The following KRT72 variants were observed in gnomAD, a reference collection of about 807,000 sequenced individuals.
The protein encoded by KRT72 is keratin, type II cytoskeletal 72.
Under a neutral mutation model 44.7 loss-of-function variants are expected in KRT72, and 44 were observed. That is an observed-to-expected ratio of 0.98 (90% CI 0.77 to 1.27). The LOEUF (loss-of-function observed/expected upper bound fraction) is 1.27, where lower values mean the gene tolerates loss of function less well. Ranked by LOEUF, KRT72 falls within the 50% of genes most tolerant of loss-of-function variation. KRT72 has a pLI of 0.00. For missense variants in KRT72, 736 were observed against 667.1 expected, an observed-to-expected ratio of 1.10 and a Z score of -1.14; for synonymous variants, 302 against 280.4, an observed-to-expected ratio of 1.08 and a Z score of -0.77.
In KRT72 at chr12:52,592,414, G is replaced by A; in HGVS notation, c.780C>T (p.Phe260=). The A allele has an allele frequency of 6.2e-7, 1 of 1,612,886 alleles. No homozygotes were observed. Among genetic ancestry groups the A allele is most frequent in the South Asian group, 1.1e-5 (1 of 91,028 alleles). The change falls in exon 4 of 9, where the codon TTC becomes TTT. Residue 260 remains phenylalanine, a synonymous_variant. Coordinates refer to ENST00000293745, the MANE Select transcript of KRT72 (RefSeq NM_080747.3). ...TCCTTACCCCTTCATAAAGGCACTTGAAGAATTTAATCTCATCTGTCAAGG... is the reference window on the plus strand; with the variant it reads ...TCCTTACCCCTTCATAAAGGCACTTAAAGAATTTAATCTCATCTGTCAAGG... ...VDSLTDEIKF[F]KCLYEGEITQ... is the part of the protein sequence containing the mutation.
At chr12:52,602,354 C>A (rs751417391), upstream of KRT72, among the ~76,000 whole-genome samples, 8 of 152,206 alleles carry the variant, frequency 5.3e-5, no homozygotes, top group Non-Finnish European at 1.2e-4. Context: ...TCTGATTCAG[C>A]ATCAAAATGT....
Position 52,598,747 on chromosome 12 carries a change from T to C in KRT72, c.641+151A>G. 4.6e-6 allele frequency: 3 copies of C among 654,516 alleles called. No individual in the cohort carries two copies. The South Asian group carries it at 5.4e-5, about 12-fold the overall frequency. The allele number at this position is 654,516 out of a possible 1,614,324, so 40.5% of individuals were successfully genotyped here. ...CGACAGTTTGGAGAACCGGTGTAGGTAGATCTATTCTTTTCCTAGTTCCAT... is the reference window on the plus strand; with the variant it reads ...CGACAGTTTGGAGAACCGGTGTAGGCAGATCTATTCTTTTCCTAGTTCCAT... On this transcript the variant is annotated intron_variant, in intron 2 of 8. Coordinates refer to ENST00000293745, the MANE Select transcript of KRT72 (RefSeq NM_080747.3).
rs2292502 is a variant in KRT72, at chr12:52,585,957, G to T, written c.*25C>A. ...AGACGGGTGAGTTGGGAAGCCTTCT[G>T]CTCACAGAGCCAACCACTTGTCCAT... On this transcript the variant is annotated 3_prime_UTR_variant, in exon 9 of 9. Transcript: ENST00000293745. 0.14 allele frequency: 221,098 copies of T among 1,598,678 alleles called. 18,878 individuals carry two copies. The highest frequency in any genetic ancestry group is 0.5 in the East Asian group (22,066 of 44,554).
At position 52,590,956 on chromosome 12, in the gene KRT72, C is replaced by A; in HGVS notation, c.969G>T (p.Gln323His). The change falls in exon 6 of 9, where the codon CAG becomes CAT. Residue 323 changes from glutamine (Q) to histidine (H), a missense_variant. Physicochemically the swap from Gln to His is conservative, Grantham distance 24. Coordinates refer to ENST00000293745, the MANE Select transcript of KRT72 (RefSeq NM_080747.3). Reference protein sequence around the residue: ...EAETLYQTKIQELQVTAGQHG... With the variant: ...EAETLYQTKIHELQVTAGQHG... ...GCTGGCCTGCTGTGACCTGCAGCTC[C>A]TGGATCTGAGGTTGGGTGACAAGAG... is the stretch of plus-strand genomic sequence containing the variant. The A allele has an allele frequency of 1.9e-6, 3 of 1,591,702 alleles. No individual in the cohort carries two copies. The highest frequency in any genetic ancestry group is 2.6e-6 in the Non-Finnish European group (3 of 1,164,646).
intron 1 of KRT72, 37 bp downstream of exon 1, chr12:52,600,990 G>C (rs967665817): frequency 2.5e-6 from 4 of 1,602,486 alleles, no homozygotes; most frequent in Non-Finnish European, 2.6e-6. Context: ...GTGCACATGC[G>C]CCCAACGCAG....
upstream of KRT72, chr12:52,601,466 C>G (rs977016403): frequency 2.0e-6 from 3 of 1,532,860 alleles, no homozygotes; most frequent in Non-Finnish European, 2.6e-6. Context: ...TCGCAAGTAC[C>G]GGTGCTGGCC....
At chr12:52,588,852 C>T (rs1255107506) in intron 6 of KRT72, among the ~76,000 whole-genome samples, 1 of 151,928 alleles carries the variant, frequency 6.6e-6, no homozygotes, top group South Asian at 2.1e-4. Context: ...AAAAATTAGC[C>T]GGGAGTGATG....
At chr12:52,589,371 C>A (rs1032721104) in intron 6 of KRT72, among the ~76,000 whole-genome samples, 2 of 152,174 alleles carry the variant, frequency 1.3e-5, no homozygotes, top group East Asian at 3.9e-4. Context: ...AGCCTTCTAA[C>A]CACAGAAAAC....
At position 52,592,453 on chromosome 12, in the gene KRT72, C is replaced by T; in HGVS notation, c.741G>A (p.Gln247=). The change falls in exon 4 of 9, where the codon CAG becomes CAA. Residue 247 remains glutamine, a synonymous_variant. Transcript: ENST00000293745. ...DAAYMNKVEL[Q]AKVDSLTDEI... ...CATCTGTCAAGGAGTCCACCTTGGC[C>T]TGGAGCTCAACCTTATTCATGTAAG... The T allele has an allele frequency of 1.9e-6, 3 of 1,614,136 alleles. No individual in the cohort carries two copies. Among genetic ancestry groups the T allele is most frequent in the Non-Finnish European group, 2.5e-6 (3 of 1,179,998 alleles).
rs1324752516 is a variant in KRT72 at position 52,585,730 on chromosome 12, G to C, written c.*252C>G. The C allele has an allele frequency of 2.2e-6, 1 of 462,616 alleles. No homozygotes were observed. Among genetic ancestry groups the C allele is most frequent in the Non-Finnish European group, 3.9e-6 (1 of 258,316 alleles). The allele number at this position is 462,616 out of a possible 1,614,324, so 28.7% of individuals were successfully genotyped here. On this transcript the variant is annotated 3_prime_UTR_variant, in exon 9 of 9. Transcript: ENST00000293745. ...TAGCTGGCCTTGGGGAAACATCCTG[G>C]GTAAGTGTTGTCTTTGCATTTCAGG... is the stretch of plus-strand genomic sequence containing the variant.
At chr12:52,594,284 A>T (rs1432761403) in intron 2 of KRT72, among the ~76,000 whole-genome samples, 1 of 152,216 alleles carries the variant, frequency 6.6e-6, no homozygotes, top group Non-Finnish European at 1.5e-5. Flanking sequence ...ATTATAAATC[A>T]TGCTACTATA....
chr12:52,602,936 C>T (rs901047051), upstream of KRT72, among the ~76,000 whole-genome samples: 3 of 152,114 alleles, frequency 2.0e-5, no homozygotes, highest in South Asian at 2.1e-4. Flanking sequence ...GAGATGGCAC[C>T]GATCACAGAT....
At position 52,590,973 on chromosome 12, in the gene KRT72, T is replaced by C; in HGVS notation, c.964-12A>G. 6.3e-7 allele frequency: 1 copy of C among 1,578,584 alleles called. No individual in the cohort carries two copies. The highest frequency in any genetic ancestry group is 8.7e-7 in the Non-Finnish European group (1 of 1,155,952). ...TGCAGCTCCTGGATCTGAGGTTGGG[T>C]GACAAGAGAAGAGGAACACAAGGAT... On this transcript the variant is annotated splice_polypyrimidine_tract_variant and intron_variant, in intron 5 of 8. Coordinates refer to ENST00000293745, the MANE Select transcript of KRT72 (RefSeq NM_080747.3).
At chr12:52,596,558 T>C (rs997877279) in intron 2 of KRT72, among the ~76,000 whole-genome samples, 1 of 132,170 alleles carries the variant, frequency 7.6e-6, no homozygotes, top group Non-Finnish European at 1.5e-5. Flanking sequence ...TTTTTCTTTC[T>C]TTTTTTTTTT....
In KRT72 at chr12:52,599,030, T is replaced by C. The variant is rs774294215; in HGVS notation, c.509A>G (p.Lys170Arg). The C allele has an allele frequency of 6.8e-6, 11 of 1,613,904 alleles. No homozygotes were observed. The Admixed American group carries it at 1.7e-4, about 24-fold the overall frequency. The change falls in exon 2 of 9, where the codon AAG (lysine) becomes AGG (arginine). Residue 170 changes from lysine (K) to arginine (R), a missense_variant. Physicochemically the swap from Lys to Arg is conservative, Grantham distance 26. Coordinates refer to ENST00000293745, the MANE Select transcript of KRT72 (RefSeq NM_080747.3). Reference sequence around the variant, plus strand: ...GCCCTCATAAATGGGCTCCAGGTTCTTCCTGCAGTTGTTCAAGTCCAGCTG... The same window carrying C: ...GCCCTCATAAATGGGCTCCAGGTTCCTCCTGCAGTTGTTCAAGTCCAGCTG... ...LQQLDLNNCRKNLEPIYEGYI... is the reference protein window; with the variant it reads ...LQQLDLNNCRRNLEPIYEGYI...
At chr12:52,601,599 G>A (rs1027230745), upstream of KRT72, 9 of 760,974 alleles carry the variant, frequency 1.2e-5, no homozygotes, top group Admixed American at 2.9e-5. Context: ...GATCCCTTGA[G>A]GCCTCTTGGG....
chr12:52,593,786 A>G (rs980754297), intron 2 of KRT72, among the ~76,000 whole-genome samples: 5 of 152,248 alleles, frequency 3.3e-5, no homozygotes, highest in Non-Finnish European at 7.3e-5. Flanking sequence ...ATTCCAAAAG[A>G]CAAATGATCT....
At chr12:52,592,612 T>G (rs1940085436) in intron 3 of KRT72, 121 bp from the exon 4 acceptor site, 2 of 734,340 alleles carry the variant, frequency 2.7e-6, no homozygotes, top group Non-Finnish European at 4.6e-6. Context: ...GGGGGCTCCC[T>G]GAGAGTCCCC....
Position 52,601,178 on chromosome 12 carries a change from C to T in KRT72, c.275G>A (p.Cys92Tyr). 6.2e-7 allele frequency: 1 copy of T among 1,613,248 alleles called. No homozygotes were observed. Among genetic ancestry groups the T allele is most frequent in the Non-Finnish European group, 8.5e-7 (1 of 1,179,580 alleles). ...GACCTGAGGGATGCCCCCGGGTGGGCACACGGAGGGACACTTGGGCCCCAG... is the reference window on the plus strand; with the variant it reads ...GACCTGAGGGATGCCCCCGGGTGGGTACACGGAGGGACACTTGGGCCCCAG... ...AGLGPKCPSV[C>Y]PPGGIPQVTV... Residue 92 changes from cysteine to tyrosine, a missense_variant, in exon 1 of 9, where the codon TGC becomes TAC. Physicochemically the swap from Cys to Tyr is radical, Grantham distance 194. Coordinates refer to ENST00000293745, the MANE Select transcript of KRT72 (RefSeq NM_080747.3).
Sources: gnomAD v4.1 joint callset for allele counts (sites outside exome capture counted in the v4.1 genomes callset) on GRCh38, gnomAD v4.1.1 for gene constraint, MANE v1.5 for transcripts, NCBI Gene and HGNC (gene_info 2026-07-23, HGNC 2026-07-21) for gene names.